The following FRMD3 variants were observed in gnomAD, a reference collection of about 807,000 sequenced individuals.
FRMD3 encodes FERM domain containing 3, also known as FERM domain-containing protein 3.
Under a neutral mutation model 70.2 loss-of-function variants are expected in FRMD3, and 33 were observed. The observed-to-expected ratio is 0.47, with a 90% CI of 0.36 to 0.63. The LOEUF (loss-of-function observed/expected upper bound fraction) is 0.63. Among genes scored for constraint, FRMD3 ranks in the 20% least tolerant of loss-of-function variants. FRMD3 has a pLI of 0.00. For synonymous variants in FRMD3, 279 were observed against 255.9 expected (o/e 1.09, Z -0.86); for missense variants, 632 against 711.4 (o/e 0.89, Z 1.27).
rs1832040538 is a variant in FRMD3 at position 83,245,316 on chromosome 9, C to T, written c.*2602G>A. ...CTCTGGAAGCAGGCTTTTCCTCATT[C>T]GATTCAGGCAACTGGTGACTATCTT... On this transcript the variant is annotated 3_prime_UTR_variant, in exon 14 of 14. Coordinates refer to ENST00000304195, the MANE Select transcript of FRMD3 (RefSeq NM_174938.6). 1 of 985,390 alleles carries T rather than the reference C, an allele frequency of 1.0e-6. No homozygotes were observed. Among genetic ancestry groups the T allele is most frequent in the Non-Finnish European group, 1.2e-6 (1 of 829,918 alleles). 61.0% of individuals were successfully genotyped at this position (985,390 alleles called of 1,614,324 possible).
intron 1 of FRMD3, among the ~76,000 whole-genome samples, chr9:83,472,282 A>C (rs1828287559): frequency 6.6e-6 from 1 of 152,252 alleles, no homozygotes; most frequent in Non-Finnish European, 1.5e-5. Flanking sequence ...GCTGCAGAGA[A>C]GATCAGGGTG....
At chr9:83,410,024 A>G (rs189732094) in intron 1 of FRMD3, among the ~76,000 whole-genome samples, 2 of 152,264 alleles carry the variant, frequency 1.3e-5, no homozygotes, top group Non-Finnish European at 2.9e-5. Context: ...GACGACTCCT[A>G]ATCTTGCTTT....
intron 1 of FRMD3, among the ~76,000 whole-genome samples, chr9:83,508,054 T>C (rs910453296): frequency 1.4e-4 from 22 of 152,086 alleles, no homozygotes; most frequent in African/African-American, 4.8e-4. Flanking sequence ...ATTTATAGAA[T>C]CTACTCCCAT....
At chr9:83,558,279 C>A in the FRMD3 span, among the ~76,000 whole-genome samples, 1 of 119,808 alleles carries the variant, frequency 8.3e-6, no homozygotes, top group African/African-American at 3.2e-5. Context: ...TGTGTGTGTG[C>A]GCGCGCGCAC....
chr9:83,571,496 C>A, the FRMD3 span, among the ~76,000 whole-genome samples: 1 of 152,194 alleles, frequency 6.6e-6, no homozygotes, highest in African/African-American at 2.4e-5. Flanking sequence ...GCAGGAAGAG[C>A]AAGCCTGTGA....
intron 13 of FRMD3, among the ~76,000 whole-genome samples, chr9:83,257,693 AAATT>A (rs1437188604): frequency 1.3e-5 from 2 of 152,204 alleles, no homozygotes; most frequent in East Asian, 3.8e-4. Context: ...CCAAAATACT[AAATT>A]AGTAAGATTG....
At chr9:83,543,659 T>C in the FRMD3 span, among the ~76,000 whole-genome samples, 8 of 152,204 alleles carry the variant, frequency 5.3e-5, no homozygotes, top group African/African-American at 1.9e-4. Flanking sequence ...GCTGAGGGTC[T>C]GACCCTCAGG....
At chr9:83,249,603 A>C (rs1022131931) in intron 13 of FRMD3, among the ~76,000 whole-genome samples, 9 of 152,208 alleles carry the variant, frequency 5.9e-5, no homozygotes, top group Non-Finnish European at 5.9e-5. Flanking sequence ...CAGATATTTC[A>C]TGATAGCTCT....
chr9:83,396,028 G>C (rs1417236051), intron 1 of FRMD3, among the ~76,000 whole-genome samples: 1 of 152,172 alleles, frequency 6.6e-6, no homozygotes, highest in Non-Finnish European at 1.5e-5. Context: ...TTGATCTCTT[G>C]ACAACCCATT....
the FRMD3 span, among the ~76,000 whole-genome samples, chr9:83,548,311 T>C: frequency 6.6e-6 from 1 of 152,194 alleles, no homozygotes; most frequent in African/African-American, 2.4e-5. Flanking sequence ...TGCCAAAAAT[T>C]AGAAGCAACC....
chr9:83,409,902 G>T (rs1826231784), intron 1 of FRMD3, among the ~76,000 whole-genome samples: 1 of 152,138 alleles, frequency 6.6e-6, no homozygotes, highest in African/African-American at 2.4e-5. Context: ...CAACCAACCG[G>T]TCTGTCACAG....
At chr9:83,529,589 T>G (rs1829753764) in intron 1 of FRMD3, among the ~76,000 whole-genome samples, 1 of 152,194 alleles carries the variant, frequency 6.6e-6, no homozygotes, top group Non-Finnish European at 1.5e-5. Context: ...CTTATTACCT[T>G]GAATTGGGCA....
At chr9:83,528,608 C>T (rs775077576) in intron 1 of FRMD3, among the ~76,000 whole-genome samples, 5 of 152,082 alleles carry the variant, frequency 3.3e-5, no homozygotes, top group South Asian at 2.1e-4. Context: ...CAGCTCACTG[C>T]AGCCTCCATC....
chr9:83,573,371 T>C, the FRMD3 span, among the ~76,000 whole-genome samples: 7 of 152,222 alleles, frequency 4.6e-5, no homozygotes, highest in African/African-American at 1.7e-4. Flanking sequence ...ATCATTATAC[T>C]AAAAATTTTA....
At chr9:83,541,720 C>G (rs768629234), upstream of FRMD3, among the ~76,000 whole-genome samples, 1 of 152,128 alleles carries the variant, frequency 6.6e-6, no homozygotes, top group Non-Finnish European at 1.5e-5. Flanking sequence ...CCAGGGAGGG[C>G]TTGGTACAAT....
At chr9:83,583,713 A>G in the FRMD3 span, among the ~76,000 whole-genome samples, 4 of 152,094 alleles carry the variant, frequency 2.6e-5, no homozygotes, top group Non-Finnish European at 4.4e-5. Context: ...GGCTCAAGCA[A>G]TCCTCCCACC....
At chr9:83,563,012 C>T in the FRMD3 span, among the ~76,000 whole-genome samples, 1 of 151,066 alleles carries the variant, frequency 6.6e-6, no homozygotes, top group Non-Finnish European at 1.5e-5. Context: ...AATGAGAGGC[C>T]GAATGAATGA....
At chr9:83,409,263 G>C (rs547082829) in intron 1 of FRMD3, among the ~76,000 whole-genome samples, 4 of 152,122 alleles carry the variant, frequency 2.6e-5, no homozygotes, top group African/African-American at 9.7e-5. Context: ...CTGAATGCTC[G>C]CTCTCAATAT....
At chr9:83,482,119 T>C (rs1349865700) in intron 1 of FRMD3, among the ~76,000 whole-genome samples, 1 of 152,230 alleles carries the variant, frequency 6.6e-6, no homozygotes, top group East Asian at 1.9e-4. Flanking sequence ...CACGATTACT[T>C]GGTCCTCAGC....
Sources: allele counts gnomAD v4.1 joint callset (sites outside exome capture counted in the v4.1 genomes callset), GRCh38; gene constraint gnomAD v4.1.1; transcripts MANE v1.5; gene names NCBI Gene and HGNC (gene_info 2026-07-23, HGNC 2026-07-21).